The following ADGRB3 variants were observed in gnomAD, a reference collection of about 807,000 sequenced individuals.
ADGRB3 encodes the protein brain-specific angiogenesis inhibitor 3.
In ADGRB3, 37 loss-of-function variants were observed where a neutral mutation model predicts 193.4. That is an observed-to-expected ratio of 0.19 (90% CI 0.15 to 0.25). ADGRB3 has a LOEUF of 0.25. ADGRB3 is among the 10% of genes least tolerant of loss of function. The pLI, the probability that ADGRB3 is intolerant of heterozygous loss-of-function variation, is 1.00. For missense variants in ADGRB3, 1,637 were observed against 1,852.9 expected (o/e 0.88, Z 2.14); for synonymous variants, 690 against 644.2 (o/e 1.07, Z -1.08).
At chr6:68,673,134 GA>G (rs1561990201) in intron 3 of ADGRB3, among the ~76,000 whole-genome samples, 1 of 151,772 alleles carries the variant, frequency 6.6e-6, no homozygotes, top group African/African-American at 2.4e-5. Context: ...TAAATGACAA[GA>G]ACGATTAAAG....
intron 3 of ADGRB3, among the ~76,000 whole-genome samples, chr6:68,869,632 T>C (rs1250566651): frequency 6.6e-6 from 1 of 152,194 alleles, no homozygotes; most frequent in African/African-American, 2.4e-5. Context: ...TGAGAAAAAG[T>C]CTATGTTTCC....
At chr6:69,006,107 A>AT (rs35210212) in intron 11 of ADGRB3, among the ~76,000 whole-genome samples, 7 of 151,066 alleles carry the variant, frequency 4.6e-5, no homozygotes, top group Non-Finnish European at 7.4e-5. Context: ...ATTACTTACT[A>AT]TTTTTTTTTA....
chr6:68,982,875 T>A (rs554557834), intron 10 of ADGRB3, among the ~76,000 whole-genome samples: 2 of 152,250 alleles, frequency 1.3e-5, no homozygotes, highest in Non-Finnish European at 2.9e-5. Flanking sequence ...CCCTCAATTC[T>A]TACCCAGAAT....
chr6:69,151,435 C>T (rs1774677215), intron 17 of ADGRB3, among the ~76,000 whole-genome samples: 1 of 152,190 alleles, frequency 6.6e-6, no homozygotes, highest in Non-Finnish European at 1.5e-5. Context: ...CCCAAGCATA[C>T]AGATTCTCTG....
chr6:68,851,361 A>G (rs1289175343), intron 3 of ADGRB3, among the ~76,000 whole-genome samples: 1 of 151,850 alleles, frequency 6.6e-6, no homozygotes, highest in East Asian at 1.9e-4. Flanking sequence ...TTCTTTTTAC[A>G]TGACAATTTT....
At chr6:68,753,730 T>C (rs1766246263) in intron 3 of ADGRB3, among the ~76,000 whole-genome samples, 1 of 152,124 alleles carries the variant, frequency 6.6e-6, no homozygotes, top group Admixed American at 6.6e-5. Flanking sequence ...AATTATTTTT[T>C]CCTAACCTGT....
intron 20 of ADGRB3, among the ~76,000 whole-genome samples, chr6:69,278,944 T>A (rs1767359172): frequency 6.6e-6 from 1 of 151,218 alleles, no homozygotes; most frequent in African/African-American, 2.4e-5. Flanking sequence ...GTAAGAAAAT[T>A]CATGGAATAC....
At chr6:69,359,590 T>C (rs1396714043) in intron 28 of ADGRB3, among the ~76,000 whole-genome samples, 2 of 151,912 alleles carry the variant, frequency 1.3e-5, no homozygotes, top group South Asian at 2.1e-4. Context: ...CTTGTTTCTA[T>C]GTAACAGGGA....
At chr6:68,930,738 T>A (rs1359980696) in intron 4 of ADGRB3, 69 bp downstream of exon 4, 1 of 1,190,478 alleles carries the variant, frequency 8.4e-7, no homozygotes, top group South Asian at 1.5e-5. Flanking sequence ...GTTTTCATAA[T>A]CTTTTGCTGC....
intron 26 of ADGRB3, among the ~76,000 whole-genome samples, chr6:69,352,867 G>T (rs1769256955): frequency 6.6e-6 from 1 of 152,166 alleles, no homozygotes; most frequent in Non-Finnish European, 1.5e-5. Flanking sequence ...CTTCTCAAAA[G>T]TGAAAATCTC....
At chr6:69,294,564 C>A (rs574138849) in intron 20 of ADGRB3, among the ~76,000 whole-genome samples, 2 of 152,222 alleles carry the variant, frequency 1.3e-5, no homozygotes, top group African/African-American at 4.8e-5. Flanking sequence ...TCCGACACTT[C>A]CCACATTGAA....
chr6:69,094,873 T>C (rs957782830), intron 17 of ADGRB3, among the ~76,000 whole-genome samples: 9 of 152,202 alleles, frequency 5.9e-5, no homozygotes, highest in African/African-American at 1.7e-4. Flanking sequence ...TGAAGCAGAA[T>C]GCTTATTTAG....
intron 3 of ADGRB3, among the ~76,000 whole-genome samples, chr6:68,833,799 CATA>C (rs1767998780): frequency 6.6e-6 from 1 of 151,846 alleles, no homozygotes; most frequent in Non-Finnish European, 1.5e-5. Context: ...GCAAAACATT[CATA>C]ATGATTACAT....
chr6:68,671,032 A>G (rs550070366), intron 3 of ADGRB3, among the ~76,000 whole-genome samples: 2 of 151,908 alleles, frequency 1.3e-5, no homozygotes, highest in Admixed American at 6.6e-5. Context: ...TGTAAATGGG[A>G]TTACTTTTTA....
chr6:69,021,762 T>C (rs1044438756), intron 13 of ADGRB3, among the ~76,000 whole-genome samples: 3 of 151,912 alleles, frequency 2.0e-5, no homozygotes, highest in Non-Finnish European at 2.9e-5. Context: ...TCTTCAAAAA[T>C]AGTTCAAATG....
chr6:69,324,172 G>A (rs1285579319), intron 20 of ADGRB3, among the ~76,000 whole-genome samples: 3 of 152,086 alleles, frequency 2.0e-5, no homozygotes, highest in Non-Finnish European at 4.4e-5. Flanking sequence ...ATTAAGTTAC[G>A]TGAAGAAAAA....
chr6:68,824,822 G>T (rs1767812481), intron 3 of ADGRB3, among the ~76,000 whole-genome samples: 1 of 151,284 alleles, frequency 6.6e-6, no homozygotes, highest in Non-Finnish European at 1.5e-5. Context: ...AAATATTTAT[G>T]TTATAATGTG....
At chr6:68,798,000 T>C (rs1199015762) in intron 3 of ADGRB3, among the ~76,000 whole-genome samples, 1 of 152,212 alleles carries the variant, frequency 6.6e-6, no homozygotes, top group Non-Finnish European at 1.5e-5. Flanking sequence ...CTCCAACTTA[T>C]ACTTTTTTAT....
intron 8 of ADGRB3, among the ~76,000 whole-genome samples, chr6:68,958,339 C>G (rs890533813): frequency 6.6e-6 from 1 of 152,044 alleles, no homozygotes; most frequent in Non-Finnish European, 1.5e-5. Context: ...TCCAGTGCTG[C>G]GTAAGAAGAA....
Sources: gnomAD v4.1 joint callset for allele counts (sites outside exome capture counted in the v4.1 genomes callset) on GRCh38, gnomAD v4.1.1 for gene constraint, MANE v1.5 for transcripts, NCBI Gene and HGNC (gene_info 2026-07-23, HGNC 2026-07-21) for gene names.